The following KLHL29 variants were observed in gnomAD, a reference collection of about 807,000 sequenced individuals.
KLHL29 encodes kelch like family member 29, also known as kelch-like protein 29.
Under a neutral mutation model 80.4 loss-of-function variants are expected in KLHL29, and 21 were observed. The ratio of observed to expected loss-of-function variants is 0.26; its 90% CI spans 0.19 to 0.38. The LOEUF (loss-of-function observed/expected upper bound fraction) is 0.38. Among genes scored for constraint, KLHL29 ranks in the 10% least tolerant of loss-of-function variants. The pLI is 1.00. For synonymous variants in KLHL29, 511 were observed against 526.8 expected (o/e 0.97, Z 0.41); for missense variants, 867 against 1,223.9 (o/e 0.71, Z 4.35).
intron 1 of KLHL29, among the ~76,000 whole-genome samples, chr2:23,423,449 CCT>C (rs1662903842): frequency 6.6e-6 from 1 of 152,270 alleles, no homozygotes; most frequent in Non-Finnish European, 1.5e-5. Context: ...GCATTCAAAT[CCT>C]CTCTGAGAAC....
At chr2:23,573,798 G>A (rs1440787754) in intron 3 of KLHL29, among the ~76,000 whole-genome samples, 1 of 152,212 alleles carries the variant, frequency 6.6e-6, no homozygotes. Context: ...GATGCTTGGG[G>A]ACCGTTGGGC....
At chr2:23,434,921 G>C (rs1281710684) in intron 1 of KLHL29, among the ~76,000 whole-genome samples, 1 of 152,188 alleles carries the variant, frequency 6.6e-6, no homozygotes, top group Non-Finnish European at 1.5e-5. Context: ...CTTACCACCT[G>C]CCAGAGGGAG....
At chr2:23,452,892 A>C (rs1663924987) in intron 1 of KLHL29, among the ~76,000 whole-genome samples, 1 of 148,376 alleles carries the variant, frequency 6.7e-6, no homozygotes. Context: ...AGGGACTCTG[A>C]AGACTGGTCA....
chr2:23,530,808 G>C (rs1666466842), intron 2 of KLHL29, among the ~76,000 whole-genome samples: 2 of 151,982 alleles, frequency 1.3e-5, no homozygotes, highest in South Asian at 2.1e-4. Flanking sequence ...CTTAGCATCT[G>C]CTTCTGAATC....
At chr2:23,537,456 A>AGG (rs1666707227) in intron 2 of KLHL29, among the ~76,000 whole-genome samples, 1 of 45,238 alleles carries the variant, frequency 2.2e-5, no homozygotes, top group African/African-American at 8.3e-5. Context: ...ACACACACAC[A>AGG]CACACACACA....
intron 3 of KLHL29, among the ~76,000 whole-genome samples, chr2:23,605,403 G>A (rs2103526113): frequency 6.6e-6 from 1 of 152,028 alleles, no homozygotes; most frequent in South Asian, 2.1e-4. Flanking sequence ...CCGCCTACCT[G>A]CCCCTTATGG....
chr2:23,584,530 A>G (rs1668068670), intron 3 of KLHL29, among the ~76,000 whole-genome samples: 1 of 152,224 alleles, frequency 6.6e-6, no homozygotes, highest in African/African-American at 2.4e-5. Context: ...CTTTGGAGGA[A>G]CATGGCAACA....
chr2:23,573,073 G>T (rs1047746004), intron 3 of KLHL29, among the ~76,000 whole-genome samples: 1 of 48 alleles, frequency 0.021, no homozygotes, highest in East Asian at 0.25. Context: ...TCACGGGTTC[G>T]TAGTTGGGCC....
rs1558446077 is a variant in KLHL29 at position 23,695,609 on chromosome 2, C to CTTACTGTA, written c.1543-14_1543-13insTTACTGTA. 2.2e-5 allele frequency: 34 copies of CTTACTGTA among 1,541,112 alleles called. No homozygotes were observed. The highest frequency in any genetic ancestry group is 2.6e-5 in the Non-Finnish European group (30 of 1,141,408). ...TTGCTAGTCTAAGAAGATTCTGTCT[C>CTTACTGTA]CTGTACCCTGCAGTACGCGGCTGAG... On this transcript the variant is annotated splice_polypyrimidine_tract_variant and intron_variant, in intron 8 of 13. Coordinates refer to ENST00000486442, the MANE Select transcript of KLHL29 (RefSeq NM_052920.2). The surrounding 1 kb of genome is among the most constrained non-coding windows in gnomAD (Gnocchi z 7.6).
rs1466716677 is a variant in KLHL29, at chr2:23,707,476, C to A, written c.*812C>A. 1 of 152,260 alleles carries A rather than the reference C, an allele frequency of 6.6e-6. No homozygotes were observed. The highest frequency in any genetic ancestry group is 1.9e-4 in the East Asian group (1 of 5,174). The allele number at this position is 152,260 out of a possible 1,614,324, so 9.4% of individuals were successfully genotyped here. ...TTCCCAAAGCTCTTTGTAGGTAGTGCCAGAGGGGGGCTTTTGCTCTCATTT... is the reference window on the plus strand; with the variant it reads ...TTCCCAAAGCTCTTTGTAGGTAGTGACAGAGGGGGGCTTTTGCTCTCATTT... On this transcript the variant is annotated 3_prime_UTR_variant, in exon 14 of 14. Transcript: ENST00000486442.
intron 3 of KLHL29, among the ~76,000 whole-genome samples, chr2:23,563,598 C>T (rs899855780): frequency 1.3e-5 from 2 of 152,120 alleles, no homozygotes; most frequent in South Asian, 2.1e-4. Context: ...AGCCCCAGCC[C>T]GGCCATTGTG....
At chr2:23,623,404 G>C (rs750062172) in intron 3 of KLHL29, among the ~76,000 whole-genome samples, 2 of 152,190 alleles carry the variant, frequency 1.3e-5, no homozygotes, top group Non-Finnish European at 2.9e-5. Context: ...GGGGGAGCGA[G>C]CTCTGTTTTC....
rs976174773 is a variant in KLHL29, at chr2:23,680,686, TC to T, written c.941-3709del. Reference sequence around the variant, plus strand: ...TTCTCCTGGGCTCTCTAGGCCATCTTCCCCTGGGGTCTCTAGGCCATCTTCC... The same window carrying T: ...TTCTCCTGGGCTCTCTAGGCCATCTTCCCTGGGGTCTCTAGGCCATCTTCC... On this transcript the variant is annotated intron_variant, in intron 5 of 13. Coordinates refer to ENST00000486442, the MANE Select transcript of KLHL29 (RefSeq NM_052920.2). This position sits in a 1 kb window ranked among gnomAD's most constrained non-coding sequence, Gnocchi z 4.1. Among the ~76,000 whole-genome samples the T allele has an allele frequency of 2.0e-5, 3 of 150,224 alleles. No homozygotes were observed. The highest frequency in any genetic ancestry group is 4.4e-5 in the Non-Finnish European group (3 of 67,516).
At chr2:23,629,081 G>A (rs1382112156) in intron 3 of KLHL29, among the ~76,000 whole-genome samples, 3 of 152,236 alleles carry the variant, frequency 2.0e-5, no homozygotes, top group Non-Finnish European at 4.4e-5. Context: ...GCAGGGCGGC[G>A]GGGCCTCTGA....
intron 1 of KLHL29, among the ~76,000 whole-genome samples, chr2:23,423,968 C>T (rs551695055): frequency 1.3e-5 from 2 of 152,292 alleles, no homozygotes; most frequent in South Asian, 4.1e-4. Context: ...GCTGGAGCAT[C>T]CGCTCTCTCT....
chr2:23,444,500 A>G (rs530105654), intron 1 of KLHL29, among the ~76,000 whole-genome samples: 1 of 151,902 alleles, frequency 6.6e-6, no homozygotes, highest in East Asian at 1.9e-4. Context: ...AATTTTTTGT[A>G]TTTTTAGTAG....
At chr2:23,670,917 G>GCGCCCTCT (rs150131401) in intron 5 of KLHL29, among the ~76,000 whole-genome samples, 1 of 18,534 alleles carries the variant, frequency 5.4e-5, no homozygotes, top group African/African-American at 1.6e-4. Context: ...ACATGCACGC[G>GCGCCCTCT]CTCTCTCTCT....
At chr2:23,702,755 C>A (rs937559738) in intron 11 of KLHL29, among the ~76,000 whole-genome samples, 3 of 152,198 alleles carry the variant, frequency 2.0e-5, no homozygotes, top group African/African-American at 4.8e-5. Context: ...GCCTTCCCCA[C>A]GAGGCCATAA....
At chr2:23,464,979 A>G (rs988188097) in intron 1 of KLHL29, among the ~76,000 whole-genome samples, 1 of 152,328 alleles carries the variant, frequency 6.6e-6, no homozygotes, top group Admixed American at 6.5e-5. Flanking sequence ...TAGATTCGTC[A>G]ACAGCAGCCC....
Sources: gnomAD v4.1 joint callset for allele counts (sites outside exome capture counted in the v4.1 genomes callset) on GRCh38, gnomAD v4.1.1 for gene constraint, Gnocchi (gnomAD v3.1) non-coding constraint, MANE v1.5 for transcripts, NCBI Gene and HGNC (gene_info 2026-07-23, HGNC 2026-07-21) for gene names.